The following STK36 variants were observed in gnomAD, a reference collection of about 807,000 sequenced individuals.
The protein encoded by STK36 is serine/threonine kinase 36.
Under a neutral mutation model 142.2 loss-of-function variants are expected in STK36, and 116 were observed. The observed-to-expected ratio is 0.82, with a 90% CI of 0.70 to 0.95. The LOEUF is 0.95. STK36 is among the 40% of genes least tolerant of loss of function. The pLI is 0.00. For synonymous variants in STK36, 619 were observed against 641.7 expected, an observed-to-expected ratio of 0.96 and a Z score of 0.53; for missense variants, 1,422 against 1,617.2, an observed-to-expected ratio of 0.88 and a Z score of 2.07.
chr2:218,675,951 A>T (rs773614285), intron 5 of STK36, 78 bp from the exon 6 acceptor site: 2 of 1,565,458 alleles, frequency 1.3e-6, no homozygotes, highest in Admixed American at 1.7e-5. Context: ...CCGGTTTGGG[A>T]TATCTCTATG....
chr2:218,696,495 G>A (rs1232455735), intron 21 of STK36, 32 bp from the exon 22 acceptor site: 1 of 1,603,934 alleles, frequency 6.2e-7, no homozygotes, highest in Non-Finnish European at 8.5e-7. Flanking sequence ...TTCCTCTTAG[G>A]CACCTGCATT....
Position 218,692,597 on chromosome 2 carries a change from A to C in STK36, c.1930A>C (p.Ser644Arg). The change falls in exon 16 of 27, where the codon AGC (serine) becomes CGC (arginine). Residue 644 changes from serine to arginine, a missense_variant. Transcript: ENST00000295709. ...TTTCTCCACAGGAGCCCCGCAAGTG[A>C]GCCAGCCACTGCGAGAGCAGAGTGA... ...VHTPQGAPQVSQPLREQSEDI... is the reference protein window; with the variant it reads ...VHTPQGAPQVRQPLREQSEDI... 6.2e-7 allele frequency: 1 copy of C among 1,612,898 alleles called. No individual in the cohort carries two copies. The highest frequency in any genetic ancestry group is 8.5e-7 in the Non-Finnish European group (1 of 1,179,844).
At chr2:218,688,204 T>C (rs569219126) in intron 11 of STK36, among the ~76,000 whole-genome samples, 2 of 152,272 alleles carry the variant, frequency 1.3e-5, no homozygotes, top group South Asian at 4.1e-4. Flanking sequence ...TATAATACTA[T>C]CCTTAGCATG....
intron 24 of STK36, 110 bp downstream of exon 24, chr2:218,697,720 C>G (rs1238232311): frequency 1.6e-5 from 25 of 1,583,156 alleles, no homozygotes; most frequent in African/African-American, 2.7e-5. Context: ...AAGATGAGAT[C>G]AGGTTTAGGC....
intron 21 of STK36, 26 bp from the exon 22 acceptor site, chr2:218,696,501 G>T (rs200526282): frequency 1.2e-6 from 2 of 1,609,448 alleles, no homozygotes; most frequent in Middle Eastern, 1.6e-4. Context: ...TTAGGCACCT[G>T]CATTCTTCAT....
At position 218,699,288 on chromosome 2, in the gene STK36, T is replaced by C. The variant is rs1252903415; in HGVS notation, c.3744T>C (p.Asn1248=). 3 of 1,613,960 alleles carry C rather than the reference T, an allele frequency of 1.9e-6. No individual in the cohort carries two copies. The highest frequency in any genetic ancestry group is 2.5e-6 in the Non-Finnish European group (3 of 1,180,000). Residue 1248 remains asparagine, a synonymous_variant, in exon 26 of 27, where the codon AAT becomes AAC. Transcript: ENST00000295709. ...TGGCATGTGGAGACCCCCAGCCAAA[T>C]GTGAAGGAGGCTGCCCTCATTGCCC... ...LEMACGDPQP[N]VKEAALIALR... is the part of the protein sequence containing the mutation.
rs1284531639 is a variant in STK36 at position 218,687,183 on chromosome 2, AT to A, written c.1381-1510del. 3.9e-5 allele frequency among the ~76,000 whole-genome samples: 6 copies of A among 152,284 alleles called. No homozygotes were observed. The South Asian group carries it at 1.2e-3, about 32-fold the overall frequency. On this transcript the variant is annotated intron_variant, in intron 11 of 26. Coordinates refer to ENST00000295709, the MANE Select transcript of STK36 (RefSeq NM_015690.5). ...TTTATCAGATGGGTGATTTGCAAAT[AT>A]TTTCTCCCAGTCTGTGGTTTGTCTT...
At chr2:218,684,972 G>T in intron 10 of STK36, 113 bp from the exon 11 acceptor site, 2 of 1,350,036 alleles carry the variant, frequency 1.5e-6, no homozygotes, top group Non-Finnish European at 2.1e-6. Flanking sequence ...GTGCTAAAGG[G>T]GTCACTGGCT....
Position 218,699,050 on chromosome 2 carries a change from G to A in STK36, c.3506G>A (p.Arg1169Gln), listed in dbSNP as rs371409058. Residue 1169 changes from arginine to glutamine, a missense_variant, in exon 26 of 27, where the codon CGG becomes CAG. Physicochemically the swap from Arg to Gln is conservative, Grantham distance 43 (BLOSUM62 1). Around this residue, in one of 2 missense-constraint regions of STK36, gnomAD observed 962 missense variants for 1,167.5 expected, o/e 0.82. Transcript: ENST00000295709. ...LGLGDKDPVV[R>Q]CSASFAVGNA... The stretch of plus-strand genomic sequence containing the variant: ...CTTGGAGACAAGGATCCTGTTGTGC[G>A]GTGCAGTGCCAGCTTTGCTGTGGGC... The A allele has an allele frequency of 1.1e-4, 185 of 1,614,084 alleles. 1 individual carries two copies. The highest frequency in any genetic ancestry group is 5.4e-4 in the South Asian group (49 of 91,076).
intron 6 of STK36, among the ~76,000 whole-genome samples, 185 bp downstream of exon 6, chr2:218,676,463 A>G (rs913076123): frequency 7.6e-4 from 115 of 152,276 alleles, no homozygotes; most frequent in African/African-American, 2.3e-3. Flanking sequence ...TTATAAAGAA[A>G]AGAGGTTTAA....
At chr2:218,688,932 T>C in intron 12 of STK36, 56 bp downstream of exon 12, 1 of 1,491,286 alleles carries the variant, frequency 6.7e-7, no homozygotes, top group South Asian at 1.4e-5. Context: ...TTCTTGGATT[T>C]ATCTCATTCA....
In STK36 at chr2:218,679,909, G is replaced by A; in HGVS notation, c.965G>A (p.Gly322Glu). The change falls in exon 9 of 27, where the codon GGA becomes GAA. Residue 322 changes from glycine (G) to glutamate (E), a missense_variant. Physicochemically the swap from Gly to Glu is moderately conservative, Grantham distance 98. Coordinates refer to ENST00000295709, the MANE Select transcript of STK36 (RefSeq NM_015690.5). ...EAMQKKHQNTGPALEQEDKTS... is the reference protein window; with the variant it reads ...EAMQKKHQNTEPALEQEDKTS... ...CTCCCACAGAAACATCAGAACACAGGACCTGCCCTTGAGCAAGAGGACAAG... is the reference window on the plus strand; with the variant it reads ...CTCCCACAGAAACATCAGAACACAGAACCTGCCCTTGAGCAAGAGGACAAG... The A allele has an allele frequency of 6.2e-7, 1 of 1,613,966 alleles. No individual in the cohort carries two copies. Among genetic ancestry groups the A allele is most frequent in the Non-Finnish European group, 8.5e-7 (1 of 1,179,906 alleles).
At position 218,694,322 on chromosome 2, in the gene STK36, C is replaced by T; in HGVS notation, c.2395C>T (p.Leu799Phe). 2 of 1,614,026 alleles carry T rather than the reference C, an allele frequency of 1.2e-6. No homozygotes were observed. Among genetic ancestry groups the T allele is most frequent in the African/African-American group, 2.7e-5 (2 of 75,054 alleles). Residue 799 changes from leucine to phenylalanine, a missense_variant, in exon 20 of 27, where the codon CTT becomes TTT. This residue lies in a region of STK36 where 962 missense variants were observed against 1,167.5 expected (regional missense o/e 0.82). Transcript: ENST00000295709. The surrounding 1 kb of genome is among the most constrained non-coding windows in gnomAD (Gnocchi z 4.4). The part of the protein sequence containing the change: ...TLFTHSHVVS[L>F]VSAAACLLGQ... ...CTTTACCCATTCGCATGTCGTCTCT[C>T]TTGTGGTAAGTTTTTAACCTTCACC...
In STK36 at chr2:218,702,684, G is replaced by T. The variant is rs1254399868; in HGVS notation, c.*675G>T. 6.6e-6 allele frequency: 1 copy of T among 152,168 alleles called. No homozygotes were observed. The highest frequency in any genetic ancestry group is 1.5e-5 in the Non-Finnish European group (1 of 68,038). The allele number at this position is 152,168 out of a possible 1,614,324, so 9.4% of individuals were successfully genotyped here. ...CAACCCCTCTTTCAGCTTCTATGTG[G>T]TGTTGGAGGTGCTGGTATCGTGTTC... On this transcript the variant is annotated 3_prime_UTR_variant, in exon 27 of 27. Transcript: ENST00000295709.
rs1418489988 is a variant in STK36, at chr2:218,673,160, G to A, written c.84+247G>A. On this transcript the variant is annotated intron_variant, in intron 2 of 26. Transcript: ENST00000295709. ...CTATGTCTCAATTTCCTTATCTCTA[G>A]AATGGGGATAAGAACAGCAACTGAT... is the stretch of plus-strand genomic sequence containing the variant. 13 of 467,100 alleles carry A rather than the reference G, an allele frequency of 2.8e-5. No homozygotes were observed. The East Asian group carries it at 4.8e-4, about 17-fold the overall frequency. 28.9% of individuals were successfully genotyped at this position (467,100 alleles called of 1,614,324 possible).
In STK36 at chr2:218,672,766, C is replaced by T. The variant is rs2106340336; in HGVS notation, c.-64C>T. On this transcript the variant is annotated 5_prime_UTR_variant, in exon 2 of 27. Coordinates refer to ENST00000295709, the MANE Select transcript of STK36 (RefSeq NM_015690.5). ...GCGTCCCAGATGTTGTGGAACTGTC[C>T]CTGGATCTATAGCTCTTCACCGTCT... 6.5e-7 allele frequency: 1 copy of T among 1,543,894 alleles called. No individual in the cohort carries two copies. Among genetic ancestry groups the T allele is most frequent in the Non-Finnish European group, 9.0e-7 (1 of 1,117,010 alleles).
intron 7 of STK36, 109 bp downstream of exon 7, chr2:218,679,370 C>G: frequency 7.7e-7 from 1 of 1,306,030 alleles, no homozygotes; most frequent in Non-Finnish European, 1.1e-6. Flanking sequence ...TTTCCTCCAG[C>G]AGCTTGAACT....
At chr2:218,672,302 G>A in intron 1 of STK36, 87 bp downstream of exon 1, 2 of 430,904 alleles carry the variant, frequency 4.6e-6, no homozygotes. Context: ...AGCCAGAAGA[G>A]ATGGGGCTAA....
chr2:218,687,165 G>T (rs1940812013), intron 11 of STK36, among the ~76,000 whole-genome samples: 1 of 152,184 alleles, frequency 6.6e-6, no homozygotes, highest in Non-Finnish European at 1.5e-5. Context: ...ACCTTTATCA[G>T]ATGGGTGATT....
Sources: allele counts gnomAD v4.1 joint callset (sites outside exome capture counted in the v4.1 genomes callset), GRCh38; gene constraint gnomAD v4.1.1; regional missense constraint gnomAD v4.1.1; non-coding constraint Gnocchi (gnomAD v3.1); transcripts MANE v1.5; gene names NCBI Gene and HGNC (gene_info 2026-07-23, HGNC 2026-07-21).